Variants in NELL1 observed in about 807,000 individuals in gnomAD.
NELL1 encodes the protein neural EGFL like 1, also known as protein kinase C-binding protein NELL1.
NELL1 carries 76 observed loss-of-function variants against 107.4 expected under a neutral mutation model. The ratio of observed to expected loss-of-function variants is 0.71; its 90% confidence interval spans 0.59 to 0.86. NELL1 has a LOEUF of 0.86. NELL1 is among the 40% of genes least tolerant of loss of function. The probability of loss-of-function intolerance (pLI) is 0.00; values close to 1 mark genes in which losing one functional copy is unlikely to be tolerated. For missense variants in NELL1, 1,024 were observed against 1,005.5 expected, an observed-to-expected ratio of 1.02 and a Z score of -0.25; for synonymous variants, 353 against 341.2, an observed-to-expected ratio of 1.03 and a Z score of -0.38.
At chr11:21,170,761 A>T (rs1039519907) in intron 13 of NELL1, among the ~76,000 whole-genome samples, 1 of 150,694 alleles carries the variant, frequency 6.6e-6, no homozygotes, top group African/African-American at 2.4e-5. Context: ...TGTTTTTATA[A>T]AACAAGTGAA....
chr11:21,339,178 T>G (rs568256499), intron 14 of NELL1, among the ~76,000 whole-genome samples: 4 of 152,284 alleles, frequency 2.6e-5, no homozygotes, highest in Non-Finnish European at 4.4e-5. Context: ...GCAGATGTAA[T>G]TAAGTTCATA....
At chr11:21,199,971 T>C (rs1472045185) in intron 13 of NELL1, among the ~76,000 whole-genome samples, 2 of 152,200 alleles carry the variant, frequency 1.3e-5, no homozygotes, top group Admixed American at 6.5e-5. Context: ...GCAAATGACG[T>C]GAACCCATCC....
At chr11:21,105,196 C>A (rs1031743137) in intron 12 of NELL1, among the ~76,000 whole-genome samples, 2 of 151,974 alleles carry the variant, frequency 1.3e-5, no homozygotes, top group Non-Finnish European at 2.9e-5. Context: ...CACAGACACA[C>A]GTGGAGTGGG....
chr11:20,915,542 A>T (rs1850226163), intron 5 of NELL1, among the ~76,000 whole-genome samples: 1 of 151,168 alleles, frequency 6.6e-6, no homozygotes. Flanking sequence ...GTCAGCTAAT[A>T]CAGGCCCAGA....
intron 5 of NELL1, among the ~76,000 whole-genome samples, chr11:20,917,884 A>G (rs988873467): frequency 6.6e-6 from 1 of 152,012 alleles, no homozygotes; most frequent in African/African-American, 2.4e-5. Context: ...TGATTAGGGC[A>G]TTAAGGAGAA....
chr11:21,525,776 A>G (rs1855838022), intron 15 of NELL1, among the ~76,000 whole-genome samples: 2 of 152,162 alleles, frequency 1.3e-5, no homozygotes, highest in South Asian at 4.1e-4. Flanking sequence ...ACTCCCATTT[A>G]TAAAAACCAT....
At chr11:20,918,126 G>A (rs547337411) in intron 5 of NELL1, 56 bp from the exon 6 acceptor site, 2 of 918,354 alleles carry the variant, frequency 2.2e-6, no homozygotes, top group East Asian at 2.4e-5. Flanking sequence ...TTGCATAGGG[G>A]ACATTTGAGC....
At chr11:21,461,982 G>C (rs911756812) in intron 15 of NELL1, among the ~76,000 whole-genome samples, 1 of 152,120 alleles carries the variant, frequency 6.6e-6, no homozygotes, top group Admixed American at 6.6e-5. Context: ...CAAGAGCAGT[G>C]ATCCGAAAAT....
chr11:21,508,787 CTA>C (rs2133941902), intron 15 of NELL1, among the ~76,000 whole-genome samples: 1 of 145,752 alleles, frequency 6.9e-6, no homozygotes, highest in East Asian at 2.0e-4. Flanking sequence ...AAAAAATCAA[CTA>C]TGTTAAAGAA....
At chr11:21,422,255 C>T (rs937548708) in intron 15 of NELL1, among the ~76,000 whole-genome samples, 2 of 152,002 alleles carry the variant, frequency 1.3e-5, no homozygotes, top group Non-Finnish European at 2.9e-5. Context: ...TAAAAATATA[C>T]TAGAATGTAA....
intron 3 of NELL1, among the ~76,000 whole-genome samples, chr11:20,799,124 A>C (rs1857231481): frequency 6.6e-6 from 1 of 152,224 alleles, no homozygotes; most frequent in East Asian, 1.9e-4. Flanking sequence ...GCTATGAAAA[A>C]ATCAGAAAGA....
chr11:21,091,219 A>C (rs1419633287), intron 12 of NELL1, among the ~76,000 whole-genome samples: 2 of 152,134 alleles, frequency 1.3e-5, no homozygotes, highest in African/African-American at 4.8e-5. Context: ...TATCTGGTAG[A>C]TTTTACCCCC....
intron 15 of NELL1, among the ~76,000 whole-genome samples, chr11:21,377,847 G>A (rs535113793): frequency 6.6e-6 from 1 of 152,000 alleles, no homozygotes. Flanking sequence ...AATAGCCTGT[G>A]CGGATCTTTT....
At chr11:21,291,354 A>C (rs548735357) in intron 14 of NELL1, among the ~76,000 whole-genome samples, 1 of 152,164 alleles carries the variant, frequency 6.6e-6, no homozygotes, top group Non-Finnish European at 1.5e-5. Context: ...GTTTAGAGGG[A>C]AATTTATAGC....
Position 20,947,441 on chromosome 11 carries a change from T to C in NELL1, c.1171+6T>C. 6.2e-7 allele frequency: 1 copy of C among 1,611,480 alleles called. No individual in the cohort carries two copies. Among genetic ancestry groups the C allele is most frequent in the Non-Finnish European group, 8.5e-7 (1 of 1,177,658 alleles). ...GTGCTGCCGTGTCTGTAGAGGTAAG[T>C]GGGCTTGGTGGTGGGCCATGCGTGG... On this transcript the variant is annotated splice_donor_region_variant and intron_variant, in intron 11 of 19. Transcript: ENST00000357134.
In NELL1 at chr11:20,938,152, C is replaced by T. The variant is rs530389329; in HGVS notation, c.1071+293C>T. Reference sequence around the variant, plus strand: ...TTAGGGAGGCTGGTGGGTGGCCCTGCGAAAGGGTTTTGAGTTGGTATTAGG... The same window carrying T: ...TTAGGGAGGCTGGTGGGTGGCCCTGTGAAAGGGTTTTGAGTTGGTATTAGG... On this transcript the variant is annotated intron_variant, in intron 10 of 19. Transcript: ENST00000357134. 9.9e-5 allele frequency among the ~76,000 whole-genome samples: 15 copies of T among 152,120 alleles called. No individual in the cohort carries two copies. In the South Asian group the frequency reaches 2.3e-3, roughly 23 times the overall value.
chr11:21,401,045 T>A (rs1852085983), intron 15 of NELL1, among the ~76,000 whole-genome samples: 1 of 151,900 alleles, frequency 6.6e-6, no homozygotes. Context: ...ATAGAAAGAA[T>A]GTGGCAAAGA....
chr11:20,899,040 A>G (rs1411273190), intron 5 of NELL1, among the ~76,000 whole-genome samples: 1 of 152,162 alleles, frequency 6.6e-6, no homozygotes, highest in East Asian at 1.9e-4. Context: ...TACATTTGCC[A>G]TCATACTGAG....
chr11:20,872,669 G>GA (rs1590367958), intron 4 of NELL1, among the ~76,000 whole-genome samples: 1 of 79,570 alleles, frequency 1.3e-5, no homozygotes, highest in East Asian at 3.7e-4. Context: ...GCCAGTGTTT[G>GA]AGGTGTGTGT....
Sources: allele counts gnomAD v4.1 joint callset (sites outside exome capture counted in the v4.1 genomes callset), GRCh38; gene constraint gnomAD v4.1.1; transcripts MANE v1.5; gene names NCBI Gene and HGNC (gene_info 2026-07-23, HGNC 2026-07-21).